Variants in FAAH2 observed in about 807,000 individuals in gnomAD.
FAAH2 encodes fatty acid amide hydrolase 2.
In FAAH2, 60 loss-of-function variants were observed where a neutral mutation model predicts 36.9. The observed-to-expected ratio is 1.63, with a 90% CI of 1.32 to 2.02. FAAH2 has a LOEUF of 2.02. Among genes scored for constraint, FAAH2 ranks in the 30% most tolerant of loss-of-function variants. The pLI is 0.00. For synonymous variants in FAAH2, 214 were observed against 143.8 expected, an observed-to-expected ratio of 1.49 and a Z score of -3.49; for missense variants, 689 against 397.5, an observed-to-expected ratio of 1.73 and a Z score of -6.23.
At chrX:57,189,270 A>G in the FAAH2 span, among the ~76,000 whole-genome samples, 3 of 109,990 alleles carry the variant, frequency 2.7e-5, no homozygotes, top group Admixed American at 2.9e-4. Context: ...ACTTGTTATT[A>G]TAGTTAGCAT....
intron 7 of FAAH2, among the ~76,000 whole-genome samples, chrX:57,384,030 G>C (rs370600010): frequency 1.8e-5 from 2 of 111,654 alleles, no homozygotes; most frequent in African/African-American, 6.5e-5. Context: ...CACATCTACA[G>C]CTATCTGATC....
intron 10 of FAAH2, among the ~76,000 whole-genome samples, chrX:57,456,388 A>T (rs988022293): frequency 1.8e-5 from 2 of 111,589 alleles, no homozygotes; most frequent in African/African-American, 6.5e-5. Context: ...TCAGATAAAC[A>T]AGAAAAAAGA....
chrX:57,466,678 G>C (rs1345464729), intron 10 of FAAH2, among the ~76,000 whole-genome samples: 3 of 110,956 alleles, frequency 2.7e-5, no homozygotes, highest in African/African-American at 9.8e-5. Context: ...GAAACTAAAA[G>C]GATGGGAAAA....
At chrX:57,379,603 T>G (rs2054785496) in intron 6 of FAAH2, among the ~76,000 whole-genome samples, 1 of 109,145 alleles carries the variant, frequency 9.2e-6, no homozygotes, top group Admixed American at 9.9e-5. Context: ...TTAAGCATCC[T>G]AAGTGTCTCT....
chrX:57,383,637 A>T (rs1389053856), intron 7 of FAAH2, among the ~76,000 whole-genome samples: 1 of 111,881 alleles, frequency 8.9e-6, no homozygotes, highest in Non-Finnish European at 1.9e-5. Flanking sequence ...GACCTCTTCA[A>T]GGAGAACTAC....
the FAAH2 span, among the ~76,000 whole-genome samples, chrX:57,186,864 G>A: frequency 2.7e-5 from 3 of 111,807 alleles, no homozygotes; most frequent in Non-Finnish European, 3.8e-5. Context: ...TCAACGATCA[G>A]ATCATTGTAG....
chrX:57,484,972 G>C (rs1005753184), intron 10 of FAAH2, among the ~76,000 whole-genome samples: 8 of 111,698 alleles, frequency 7.2e-5, no homozygotes, highest in African/African-American at 9.8e-5. Flanking sequence ...AGGTCAGGCA[G>C]ACCAGTCAGG....
At chrX:57,269,771 G>A in the FAAH2 span, among the ~76,000 whole-genome samples, 1 of 111,294 alleles carries the variant, frequency 9.0e-6, no homozygotes, top group Non-Finnish European at 1.9e-5. Context: ...ACAGAAAAAA[G>A]TTAGAAAGAT....
chrX:57,486,466 T>C (rs949292917), intron 10 of FAAH2, among the ~76,000 whole-genome samples: 3 of 111,802 alleles, frequency 2.7e-5, no homozygotes, highest in South Asian at 7.5e-4. Context: ...TGCACTATGG[T>C]TCCTGCAGGG....
the FAAH2 span, among the ~76,000 whole-genome samples, chrX:57,189,699 T>C: frequency 8.9e-6 from 1 of 111,820 alleles, no homozygotes; most frequent in South Asian, 3.8e-4. Flanking sequence ...CCTATTTGTT[T>C]GGGTATCACC....
intron 7 of FAAH2, among the ~76,000 whole-genome samples, chrX:57,404,373 G>A (rs184398587): frequency 5.5e-4 from 62 of 111,800 alleles, no homozygotes; most frequent in Admixed American, 2.1e-3. Flanking sequence ...AAGGACATTC[G>A]CTCATTGCCC....
At chrX:57,154,366 C>A in the FAAH2 span, among the ~76,000 whole-genome samples, 1 of 106,651 alleles carries the variant, frequency 9.4e-6, no homozygotes, top group Non-Finnish European at 1.9e-5. Context: ...CCAGTTCAAG[C>A]AATTCTCTTG....
the FAAH2 span, among the ~76,000 whole-genome samples, chrX:57,228,673 T>C: frequency 3.6e-5 from 4 of 111,364 alleles, no homozygotes; most frequent in African/African-American, 1.3e-4. Flanking sequence ...ATTTACACAT[T>C]TTAAAATACC....
At chrX:57,275,577 T>C in the FAAH2 span, among the ~76,000 whole-genome samples, 14 of 112,275 alleles carry the variant, frequency 1.2e-4, no homozygotes, top group Admixed American at 9.4e-5. Flanking sequence ...CATAACAATA[T>C]TGACCTTAAA....
the FAAH2 span, among the ~76,000 whole-genome samples, chrX:57,259,020 A>G: frequency 9.0e-6 from 1 of 111,100 alleles, no homozygotes; most frequent in Admixed American, 9.6e-5. Flanking sequence ...CGCCTGGTCA[A>G]TATAAAATGC....
At chrX:57,216,143 G>A in the FAAH2 span, among the ~76,000 whole-genome samples, 1 of 107,624 alleles carries the variant, frequency 9.3e-6, no homozygotes, top group Admixed American at 1.0e-4. Context: ...TTTTCTGTAA[G>A]TTATTGGGGT....
intron 10 of FAAH2, among the ~76,000 whole-genome samples, chrX:57,468,750 C>T (rs769153042): frequency 4.5e-5 from 5 of 111,285 alleles, no homozygotes; most frequent in Non-Finnish European, 9.4e-5. Context: ...ACAGAGAATG[C>T]TGCAAAGATA....
chrX:57,262,392 A>G, the FAAH2 span, among the ~76,000 whole-genome samples: 1 of 112,073 alleles, frequency 8.9e-6, no homozygotes, highest in African/African-American at 3.2e-5. Flanking sequence ...TAATTGTTAT[A>G]AGTGAGAGAA....
At chrX:57,412,958 A>G (rs2055740858) in intron 7 of FAAH2, among the ~76,000 whole-genome samples, 1 of 112,469 alleles carries the variant, frequency 8.9e-6, no homozygotes, top group Non-Finnish European at 1.9e-5. Flanking sequence ...TTTGATTTGC[A>G]TTTCTGTAAT....
Sources: allele counts gnomAD v4.1 joint callset (sites outside exome capture counted in the v4.1 genomes callset), GRCh38; gene constraint gnomAD v4.1.1; transcripts MANE v1.5; gene names NCBI Gene and HGNC (gene_info 2026-07-23, HGNC 2026-07-21).